The following GNG4 variants were observed in gnomAD, a reference collection of about 807,000 sequenced individuals.
GNG4 encodes the protein G protein subunit gamma 4.
Under a neutral mutation model 5.8 loss-of-function variants are expected in GNG4, and 4 were observed. That is an observed-to-expected ratio of 0.69 (90% CI 0.34 to 1.57). The LOEUF is 1.57. Among genes scored for constraint, GNG4 ranks in the 40% most tolerant of loss-of-function variants. The pLI is 0.06. For missense variants in GNG4, 96 were observed against 95.1 expected, an observed-to-expected ratio of 1.01 and a Z score of -0.04; for synonymous variants, 29 against 32.9, an observed-to-expected ratio of 0.88 and a Z score of 0.41.
Position 235,644,154 on chromosome 1 carries a change from G to A in GNG4, c.-123+5508C>T, listed in dbSNP as rs1411591709. Among the ~76,000 whole-genome samples the A allele has an allele frequency of 1.3e-5, 2 of 152,170 alleles. No homozygotes were observed. The highest frequency in any genetic ancestry group is 2.4e-5 in the African/African-American group (1 of 41,434). ...AGAGACAGGGCTGGGTGGCGGGAAC[G>A]CGGGCACCCAGAGGTCCAGATCAGC... is the stretch of plus-strand genomic sequence containing the variant. On this transcript the variant is annotated intron_variant, in intron 1 of 3. Transcript: ENST00000391854. The surrounding 1 kb of genome is among the most constrained non-coding windows in gnomAD (Gnocchi z 5.9).
intron 3 of GNG4, among the ~76,000 whole-genome samples, chr1:235,566,372 T>A (rs1308317266): frequency 1.3e-5 from 2 of 152,158 alleles, no homozygotes. Context: ...GCGTGAACCC[T>A]ATTGTCAACT....
At chr1:235,589,544 T>C (rs1413466228) in intron 2 of GNG4, among the ~76,000 whole-genome samples, 1 of 152,144 alleles carries the variant, frequency 6.6e-6, no homozygotes, top group Non-Finnish European at 1.5e-5. Flanking sequence ...TACCTGCCCA[T>C]CCGCCCACTC....
intron 1 of GNG4, among the ~76,000 whole-genome samples, chr1:235,629,918 C>A (rs566266663): frequency 6.1e-4 from 93 of 152,274 alleles, no homozygotes; most frequent in African/African-American, 2.2e-3. Context: ...TGGGCAGCCA[C>A]CTTGGTCCCT....
intron 3 of GNG4, among the ~76,000 whole-genome samples, chr1:235,567,654 A>G (rs1687232839): frequency 6.6e-6 from 1 of 152,162 alleles, no homozygotes; most frequent in African/African-American, 2.4e-5. Flanking sequence ...TTCCTGTTTA[A>G]GGCTGAATAA....
At chr1:235,601,372 T>C (rs1478676282) in intron 1 of GNG4, among the ~76,000 whole-genome samples, 1 of 152,196 alleles carries the variant, frequency 6.6e-6, no homozygotes, top group Admixed American at 6.5e-5. Context: ...CATGGACTGC[T>C]GGAATCACCA....
chr1:235,617,407 C>T (rs1688614631), intron 1 of GNG4, among the ~76,000 whole-genome samples: 1 of 152,174 alleles, frequency 6.6e-6, no homozygotes, highest in Non-Finnish European at 1.5e-5. Flanking sequence ...TAGCAGAATG[C>T]TGGGTATTGA....
At chr1:235,627,690 T>C (rs1343337740) in intron 1 of GNG4, among the ~76,000 whole-genome samples, 1 of 152,166 alleles carries the variant, frequency 6.6e-6, no homozygotes, top group African/African-American at 2.4e-5. Context: ...CCATTTACAA[T>C]GGCCTCTCCC....
At chr1:235,588,373 C>T (rs2102948648) in intron 2 of GNG4, among the ~76,000 whole-genome samples, 1 of 152,192 alleles carries the variant, frequency 6.6e-6, no homozygotes, top group South Asian at 2.1e-4. Context: ...CCAGCGGGGG[C>T]TGTGCTCTCC....
intron 1 of GNG4, among the ~76,000 whole-genome samples, chr1:235,647,783 C>G (rs1026672409): frequency 6.6e-6 from 1 of 152,282 alleles, no homozygotes; most frequent in Non-Finnish European, 1.5e-5. Flanking sequence ...TACAGGCGTG[C>G]ACCACCACGC....
chr1:235,549,997 A>T lies in GNG4; in HGVS notation c.*2112T>A, dbSNP rs1474066969. ...TGCAGGTTAGAACATTTCAGGCACAAATGGCCTGTTCTCTATCACACAGCA... is the reference window on the plus strand; with the variant it reads ...TGCAGGTTAGAACATTTCAGGCACATATGGCCTGTTCTCTATCACACAGCA... On this transcript the variant is annotated 3_prime_UTR_variant, in exon 4 of 4. Coordinates refer to ENST00000391854, the MANE Select transcript of GNG4 (RefSeq NM_001098722.2). The T allele has an allele frequency of 6.6e-6, 1 of 152,234 alleles. No homozygotes were observed. The highest frequency in any genetic ancestry group is 2.4e-5 in the African/African-American group (1 of 41,466). 9.4% of individuals were successfully genotyped at this position (152,234 alleles called of 1,614,324 possible).
In GNG4 at chr1:235,590,098, A is replaced by G. The variant is rs1687921809; in HGVS notation, c.-11+5302T>C. ...ATATTTATGCAATCTGCACCTGACC[A>G]TCTTAAAACAAGCAACAACATCAAC... is the stretch of plus-strand genomic sequence containing the variant. On this transcript the variant is annotated intron_variant, in intron 2 of 3. Coordinates refer to ENST00000391854, the MANE Select transcript of GNG4 (RefSeq NM_001098722.2). Among the ~76,000 whole-genome samples, 3 of 152,172 alleles carry G rather than the reference A, an allele frequency of 2.0e-5. No homozygotes were observed. The South Asian group carries it at 6.2e-4, about 32-fold the overall frequency.
intron 1 of GNG4, among the ~76,000 whole-genome samples, chr1:235,616,905 A>ATTTTTTTT (rs553175038): frequency 1.6e-4 from 18 of 115,780 alleles, no homozygotes; most frequent in East Asian, 7.6e-4. Context: ...CACCTGGCTA[A>ATTTTTTTT]TTTTTTTTTT....
At chr1:235,577,223 G>A (rs1465066048) in intron 3 of GNG4, among the ~76,000 whole-genome samples, 3 of 152,018 alleles carry the variant, frequency 2.0e-5, no homozygotes, top group Admixed American at 6.6e-5. Context: ...ACCTGCCCTC[G>A]CCTGGGATGT....
At chr1:235,588,244 G>A (rs1280997609) in intron 2 of GNG4, among the ~76,000 whole-genome samples, 2 of 152,048 alleles carry the variant, frequency 1.3e-5, no homozygotes, top group African/African-American at 4.8e-5. Context: ...GATAAAATAA[G>A]CGGGTGGGTG....
rs1453001102 is a variant in GNG4, at chr1:235,644,879, A to G, written c.-123+4783T>C. ...GAGGAGGATGCCAGTTGTTGGGTGT[A>G]GCTGGACCTTCCTATAGACAGGGAG... On this transcript the variant is annotated intron_variant, in intron 1 of 3. Transcript: ENST00000391854. The surrounding 1 kb of genome is among the most constrained non-coding windows in gnomAD (Gnocchi z 5.9). Among the ~76,000 whole-genome samples the G allele has an allele frequency of 6.6e-6, 1 of 152,122 alleles. No homozygotes were observed. The highest frequency in any genetic ancestry group is 1.5e-5 in the Non-Finnish European group (1 of 68,022).
chr1:235,590,045 G>A (rs1024269193), intron 2 of GNG4, among the ~76,000 whole-genome samples: 4 of 152,094 alleles, frequency 2.6e-5, no homozygotes, highest in Non-Finnish European at 5.9e-5. Context: ...CACGTCTCTG[G>A]CGCTTTTCCT....
chr1:235,615,802 C>T (rs1303118787), intron 1 of GNG4: 3 of 264,740 alleles, frequency 1.1e-5, no homozygotes, highest in Middle Eastern at 7.0e-4. Flanking sequence ...CATGAGCCCT[C>T]AGCACTGCCA....
intron 3 of GNG4, among the ~76,000 whole-genome samples, chr1:235,570,919 T>TATACAC (rs1553365402): frequency 3.8e-4 from 46 of 121,438 alleles, no homozygotes; most frequent in Admixed American, 1.4e-3. Context: ...TATACATATA[T>TATACAC]ATATACACAC....
Position 235,642,004 on chromosome 1 carries a change from AG to A in GNG4, c.-123+7657del, listed in dbSNP as rs1241029889. Among the ~76,000 whole-genome samples the A allele has an allele frequency of 6.6e-6, 1 of 152,208 alleles. No individual in the cohort carries two copies. The highest frequency in any genetic ancestry group is 1.5e-5 in the Non-Finnish European group (1 of 68,032). On this transcript the variant is annotated intron_variant, in intron 1 of 3. Transcript: ENST00000391854. The surrounding 1 kb of genome is among the most constrained non-coding windows in gnomAD (Gnocchi z 4.3). ...CCTCCACCGTAACAGAACTTCCATG[AG>A]GGCGGGGATTTTTCGCTTCCCCCGC...
Sources: gnomAD v4.1 joint callset for allele counts (sites outside exome capture counted in the v4.1 genomes callset) on GRCh38, gnomAD v4.1.1 for gene constraint, Gnocchi (gnomAD v3.1) non-coding constraint, MANE v1.5 for transcripts, NCBI Gene and HGNC (gene_info 2026-07-23, HGNC 2026-07-21) for gene names.